SLIT2: variants seen among roughly 807,000 people sequenced by gnomAD.
SLIT2 encodes the protein slit guidance ligand 2, also known as slit homolog 2 protein.
Under a neutral mutation model 185.7 loss-of-function variants are expected in SLIT2, and 41 were observed. The ratio of observed to expected loss-of-function variants is 0.22; its 90% CI spans 0.17 to 0.29. The LOEUF (loss-of-function observed/expected upper bound fraction) is 0.29, where lower values mean the gene tolerates loss of function less well. Among genes scored for constraint, SLIT2 ranks in the 10% least tolerant of loss-of-function variants. SLIT2 has a pLI of 1.00. For missense variants in SLIT2, 1,571 were observed against 1,909.0 expected (o/e 0.82, Z 3.30); for synonymous variants, 693 against 680.2 (o/e 1.02, Z -0.29).
intron 26 of SLIT2, among the ~76,000 whole-genome samples, chr4:20,556,389 T>C (rs771779945): frequency 3.9e-5 from 6 of 151,968 alleles, no homozygotes; most frequent in Admixed American, 1.3e-4. Flanking sequence ...GCGATACTCA[T>C]ACTTTATTTT....
chr4:20,609,558 T>A (rs978006580), intron 33 of SLIT2, among the ~76,000 whole-genome samples: 1 of 152,078 alleles, frequency 6.6e-6, no homozygotes, highest in African/African-American at 2.4e-5. Flanking sequence ...TAATCTACAG[T>A]TTTTTTTAAG....
At chr4:20,255,802 G>T (rs543171222) in intron 1 of SLIT2, among the ~76,000 whole-genome samples, 8 of 152,126 alleles carry the variant, frequency 5.3e-5, no homozygotes, top group Non-Finnish European at 1.2e-4. Context: ...TTCTATCATT[G>T]AAACAGTTTG....
chr4:20,604,354 A>G (rs951377759), intron 33 of SLIT2, among the ~76,000 whole-genome samples: 6 of 152,154 alleles, frequency 3.9e-5, no homozygotes, highest in African/African-American at 1.2e-4. Context: ...ATATTTAGAT[A>G]TCTTTTCTTT....
At chr4:20,453,780 T>A (rs1365741475) in intron 4 of SLIT2, among the ~76,000 whole-genome samples, 1 of 152,218 alleles carries the variant, frequency 6.6e-6, no homozygotes, top group Non-Finnish European at 1.5e-5. Flanking sequence ...TGTCAGGCAC[T>A]TATTCTATGC....
intron 4 of SLIT2, among the ~76,000 whole-genome samples, chr4:20,415,115 A>G (rs1727545689): frequency 6.6e-6 from 1 of 152,214 alleles, no homozygotes. Context: ...TCAGATAATA[A>G]AAAGTCTTTA....
intron 9 of SLIT2, among the ~76,000 whole-genome samples, chr4:20,503,574 C>T (rs890439485): frequency 6.4e-5 from 7 of 110,022 alleles, no homozygotes; most frequent in East Asian, 5.2e-4. Context: ...TTTTTTTCCC[C>T]GAGTCTACAC....
At chr4:20,301,894 C>T (rs1170078157) in intron 4 of SLIT2, among the ~76,000 whole-genome samples, 1 of 152,114 alleles carries the variant, frequency 6.6e-6, no homozygotes, top group Non-Finnish European at 1.5e-5. Context: ...TCATCAGGCT[C>T]AATCATTTTT....
At chr4:20,451,353 A>G (rs971812755) in intron 4 of SLIT2, among the ~76,000 whole-genome samples, 2 of 152,168 alleles carry the variant, frequency 1.3e-5, no homozygotes, top group Non-Finnish European at 2.9e-5. Context: ...TTTTTCCTTC[A>G]ACTTTCAGTC....
At chr4:20,282,251 C>T (rs1482546305) in intron 4 of SLIT2, among the ~76,000 whole-genome samples, 1 of 152,122 alleles carries the variant, frequency 6.6e-6, no homozygotes, top group African/African-American at 2.4e-5. Context: ...TGGTTTAAAA[C>T]AACAACATTA....
At chr4:20,458,081 C>T (rs1474513045) in intron 4 of SLIT2, among the ~76,000 whole-genome samples, 1 of 113,238 alleles carries the variant, frequency 8.8e-6, no homozygotes, top group East Asian at 2.6e-4. Flanking sequence ...TCCCAGTACA[C>T]ATTATGCAAA....
intron 29 of SLIT2, among the ~76,000 whole-genome samples, chr4:20,582,960 G>A (rs1050906740): frequency 9.2e-5 from 14 of 152,180 alleles, no homozygotes; most frequent in African/African-American, 3.1e-4. Context: ...GATAATTTAC[G>A]TGCTGGGTGT....
Position 20,542,574 on chromosome 4 carries a change from A to T in SLIT2, c.2224A>T (p.Asn742Tyr). The change falls in exon 21 of 37, where the codon AAC (asparagine) becomes TAC (tyrosine). Residue 742 changes from asparagine to tyrosine, a missense_variant. Around this residue, in one of 3 missense-constraint regions of SLIT2, gnomAD observed 1,202 missense variants for 1,416.4 expected, o/e 0.85. Coordinates refer to ENST00000504154, the MANE Select transcript of SLIT2 (RefSeq NM_004787.4). The part of the protein sequence containing the change: ...TCLDTVVRCS[N>Y]KGLKVLPKGI... ...CTTGGATACAGTCGTCCGATGTAGC[A>T]ACAAGGGTTTGAAGGTCTTGCCGAA... The T allele has an allele frequency of 6.2e-7, 1 of 1,613,960 alleles. No homozygotes were observed. Among genetic ancestry groups the T allele is most frequent in the Non-Finnish European group, 8.5e-7 (1 of 1,179,868 alleles).
rs376080084 is a variant in SLIT2, at chr4:20,580,164, G to T, written c.3089-9480G>T. Among the ~76,000 whole-genome samples, 8 of 149,958 alleles carry T rather than the reference G, an allele frequency of 5.3e-5. 1 individual carries two copies. In the South Asian group the frequency reaches 1.7e-3, roughly 32 times the overall value. ...CAACCTCCGCCTCTCAGGTTCAAGC[G>T]ATTCTCTTGCCTCAGCCTCCCAAGT... On this transcript the variant is annotated intron_variant, in intron 29 of 36. Transcript: ENST00000504154.
chr4:20,433,633 CT>C (rs1729142090), intron 4 of SLIT2, among the ~76,000 whole-genome samples: 1 of 152,160 alleles, frequency 6.6e-6, no homozygotes, highest in African/African-American at 2.4e-5. Flanking sequence ...AAACTAACCT[CT>C]TAAAAAGGGA....
chr4:20,361,730 A>G (rs1039422608), intron 4 of SLIT2, among the ~76,000 whole-genome samples: 3 of 152,112 alleles, frequency 2.0e-5, no homozygotes, highest in Admixed American at 1.3e-4. Flanking sequence ...TCTACAACAT[A>G]AAAACAATTT....
chr4:20,351,517 G>T (rs1721874008), intron 4 of SLIT2, among the ~76,000 whole-genome samples: 1 of 152,152 alleles, frequency 6.6e-6, no homozygotes, highest in Non-Finnish European at 1.5e-5. Context: ...ACTTATATGA[G>T]AATTCCCACC....
At chr4:20,436,535 C>A (rs1487580255) in intron 4 of SLIT2, among the ~76,000 whole-genome samples, 1 of 152,174 alleles carries the variant, frequency 6.6e-6, no homozygotes, top group African/African-American at 2.4e-5. Flanking sequence ...GAAAATGTTG[C>A]ACTTTTTAGG....
At chr4:20,293,380 A>T (rs2109087440) in intron 4 of SLIT2, among the ~76,000 whole-genome samples, 1 of 152,336 alleles carries the variant, frequency 6.6e-6, no homozygotes, top group East Asian at 1.9e-4. Context: ...TGTTAGGAAA[A>T]GAGGAAGGAC....
intron 5 of SLIT2, among the ~76,000 whole-genome samples, chr4:20,471,856 A>C (rs1715064616): frequency 6.6e-6 from 1 of 152,086 alleles, no homozygotes; most frequent in Admixed American, 6.6e-5. Flanking sequence ...TTGCTCTTAA[A>C]CATCTCCAGG....
Sources: allele counts gnomAD v4.1 joint callset (sites outside exome capture counted in the v4.1 genomes callset), GRCh38; gene constraint gnomAD v4.1.1; regional missense constraint gnomAD v4.1.1; transcripts MANE v1.5; gene names NCBI Gene and HGNC (gene_info 2026-07-23, HGNC 2026-07-21).